TTC28: variants seen among roughly 807,000 people sequenced by gnomAD.
The protein encoded by TTC28 is tetratricopeptide repeat domain 28.
TTC28 carries 61 observed loss-of-function variants against 198.0 expected under a neutral mutation model. The observed-to-expected ratio is 0.31, with a 90% confidence interval of 0.25 to 0.38. TTC28 has a LOEUF of 0.38. TTC28 is among the 10% of genes least tolerant of loss of function. The pLI is 1.00. For missense variants in TTC28, 2,678 were observed against 3,164.0 expected, an observed-to-expected ratio of 0.85 and a Z score of 3.69; for synonymous variants, 1,171 against 1,297.8, an observed-to-expected ratio of 0.90 and a Z score of 2.10.
In TTC28 at chr22:28,679,753, G is replaced by A. The variant is rs373678743; in HGVS notation, c.-30C>T. ...ACGGGGCCCGGGCCGCGTCCGCCTCGAGCTAACGGTCCCGCCAGCTAGGCG... is the reference window on the plus strand; with the variant it reads ...ACGGGGCCCGGGCCGCGTCCGCCTCAAGCTAACGGTCCCGCCAGCTAGGCG... On this transcript the variant is annotated 5_prime_UTR_variant, in exon 1 of 23. Coordinates refer to ENST00000397906, the MANE Select transcript of TTC28 (RefSeq NM_001145418.2). 1 of 1,145,684 alleles carries A rather than the reference G, an allele frequency of 8.7e-7. No homozygotes were observed. The highest frequency in any genetic ancestry group is 1.1e-6 in the Non-Finnish European group (1 of 918,252). 71.0% of individuals were successfully genotyped at this position (1,145,684 alleles called of 1,614,324 possible).
chr22:28,374,203 G>A (rs559180219), intron 2 of TTC28, among the ~76,000 whole-genome samples: 2 of 152,290 alleles, frequency 1.3e-5, no homozygotes, highest in South Asian at 4.1e-4. Flanking sequence ...TGTCTCAAGA[G>A]TAAATTTGCA....
rs753130498 is a variant in TTC28 at position 28,005,957 on chromosome 22, G to A, written c.4219-4404C>T. 9.2e-5 allele frequency among the ~76,000 whole-genome samples: 14 copies of A among 152,188 alleles called. No homozygotes were observed. The highest frequency in any genetic ancestry group is 1.0e-4 in the Non-Finnish European group (7 of 68,036). On this transcript the variant is annotated intron_variant, in intron 14 of 22. Coordinates refer to ENST00000397906, the MANE Select transcript of TTC28 (RefSeq NM_001145418.2). The surrounding 1 kb of genome is among the most constrained non-coding windows in gnomAD (Gnocchi z 4.9). ...TCTTACAGTTATTTGCCTATCATGGGTAATAGTTCTCAATACTAAACATCC... is the reference window on the plus strand; with the variant it reads ...TCTTACAGTTATTTGCCTATCATGGATAATAGTTCTCAATACTAAACATCC...
chr22:28,040,792 A>C (rs1939598347), intron 12 of TTC28, among the ~76,000 whole-genome samples: 1 of 152,212 alleles, frequency 6.6e-6, no homozygotes, highest in African/African-American at 2.4e-5. Context: ...GAGGAAGTCA[A>C]ATTGTCTCTG....
chr22:28,023,528 C>T (rs1055253376), intron 13 of TTC28, among the ~76,000 whole-genome samples: 1 of 152,252 alleles, frequency 6.6e-6, no homozygotes, highest in Non-Finnish European at 1.5e-5. Flanking sequence ...TCCAGCAATA[C>T]AGCAAAACCC....
chr22:28,410,749 T>A lies in TTC28; in HGVS notation c.382-104106A>T, dbSNP rs574105414. 7.2e-5 allele frequency among the ~76,000 whole-genome samples: 11 copies of A among 152,308 alleles called. No homozygotes were observed. In the South Asian group the frequency reaches 2.3e-3, roughly 32 times the overall value. On this transcript the variant is annotated intron_variant, in intron 2 of 22. Transcript: ENST00000397906. ...TACAATCAGAAAGATATTTAAATGATGAATTTAGAATACATTTGTGAGGAT... is the reference window on the plus strand; with the variant it reads ...TACAATCAGAAAGATATTTAAATGAAGAATTTAGAATACATTTGTGAGGAT...
At chr22:28,560,796 C>T (rs193186514) in intron 2 of TTC28, among the ~76,000 whole-genome samples, 5 of 152,102 alleles carry the variant, frequency 3.3e-5, no homozygotes, top group African/African-American at 1.2e-4. Flanking sequence ...CTCCCTCTGT[C>T]ACCCAGGCTG....
At chr22:27,990,278 C>T (rs576307352) in intron 20 of TTC28, among the ~76,000 whole-genome samples, 120 of 152,238 alleles carry the variant, frequency 7.9e-4, no homozygotes, top group African/African-American at 2.7e-3. Context: ...TTCCCTCAGG[C>T]GTGGGAGAGC....
chr22:28,403,996 G>A (rs531837988), intron 2 of TTC28, among the ~76,000 whole-genome samples: 8 of 152,308 alleles, frequency 5.3e-5, no homozygotes, highest in Non-Finnish European at 1.2e-4. Flanking sequence ...ATGTGGCTTT[G>A]GCTTGGCTTT....
intron 2 of TTC28, among the ~76,000 whole-genome samples, chr22:28,358,672 T>C (rs2046113872): frequency 1.3e-5 from 2 of 152,178 alleles, no homozygotes; most frequent in Admixed American, 1.3e-4. Context: ...ATCACAAAAT[T>C]CATTCTTCTA....
intron 2 of TTC28, among the ~76,000 whole-genome samples, chr22:28,580,529 C>T (rs1478457125): frequency 6.6e-6 from 1 of 152,192 alleles, no homozygotes; most frequent in East Asian, 1.9e-4. Flanking sequence ...TGAGCCACCA[C>T]ATCTGGCCAA....
chr22:28,108,841 C>A (rs1253842820), intron 6 of TTC28, among the ~76,000 whole-genome samples: 1 of 152,100 alleles, frequency 6.6e-6, no homozygotes, highest in Non-Finnish European at 1.5e-5. Flanking sequence ...AAAGAGTAAC[C>A]ACAAGGGAAA....
intron 12 of TTC28, among the ~76,000 whole-genome samples, chr22:28,053,728 T>C (rs1940171743): frequency 6.6e-6 from 1 of 152,152 alleles, no homozygotes. Flanking sequence ...AGAAAAGTAG[T>C]TACTGGGACA....
intron 3 of TTC28, among the ~76,000 whole-genome samples, chr22:28,299,766 G>A (rs984879143): frequency 9.2e-5 from 14 of 152,168 alleles, no homozygotes; most frequent in Non-Finnish European, 1.9e-4. Context: ...GTATTTAAGT[G>A]ACTTATCCCA....
chr22:28,181,303 G>A (rs538906945), intron 5 of TTC28, among the ~76,000 whole-genome samples: 1 of 152,266 alleles, frequency 6.6e-6, no homozygotes, highest in Admixed American at 6.5e-5. Context: ...AATGTCCTTT[G>A]CAGATGTAAA....
At chr22:28,639,213 T>C (rs1217639989) in intron 1 of TTC28, among the ~76,000 whole-genome samples, 1 of 148,254 alleles carries the variant, frequency 6.7e-6, no homozygotes, top group African/African-American at 2.5e-5. Flanking sequence ...TTGCAAGGCA[T>C]AAATTTTATT....
chr22:28,220,809 G>A (rs1054356898), intron 5 of TTC28, among the ~76,000 whole-genome samples: 7 of 152,266 alleles, frequency 4.6e-5, no homozygotes, highest in South Asian at 2.1e-4. Context: ...TGGGGCCCAC[G>A]TTAAGAGTAT....
intron 2 of TTC28, among the ~76,000 whole-genome samples, chr22:28,537,311 A>C (rs146758977): frequency 0.029 from 3,784 of 130,306 alleles, 110 homozygotes; most frequent in East Asian, 0.062. Flanking sequence ...AATAAAATAA[A>C]ATAAAATAAA....
chr22:28,577,063 T>C (rs2050162665), intron 2 of TTC28, among the ~76,000 whole-genome samples: 1 of 152,068 alleles, frequency 6.6e-6, no homozygotes, highest in African/African-American at 2.4e-5. Context: ...CATTGTTAGA[T>C]TGTTTATTTG....
chr22:28,558,533 G>A (rs2049819947), intron 2 of TTC28, among the ~76,000 whole-genome samples: 1 of 152,004 alleles, frequency 6.6e-6, no homozygotes, highest in South Asian at 2.1e-4. Context: ...ATATTAGCCG[G>A]GCATGGTGGC....
Sources: allele counts gnomAD v4.1 joint callset (sites outside exome capture counted in the v4.1 genomes callset), GRCh38; gene constraint gnomAD v4.1.1; non-coding constraint Gnocchi (gnomAD v3.1); transcripts MANE v1.5; gene names NCBI Gene and HGNC (gene_info 2026-07-23, HGNC 2026-07-21).